ZNF839: variants seen among roughly 807,000 people sequenced by gnomAD.
ZNF839 encodes zinc finger protein 839.
In ZNF839, 38 loss-of-function variants were observed where a neutral mutation model predicts 56.4. The observed-to-expected ratio is 0.67, with a 90% confidence interval of 0.52 to 0.88. The LOEUF (loss-of-function observed/expected upper bound fraction) is 0.88, where lower values mean the gene tolerates loss of function less well. Ranked by LOEUF, ZNF839 falls within the 40% of genes least tolerant of loss-of-function variation. The pLI is 0.00. For synonymous variants in ZNF839, 486 were observed against 493.5 expected, an observed-to-expected ratio of 0.98 and a Z score of 0.20; for missense variants, 1,091 against 1,177.6, an observed-to-expected ratio of 0.93 and a Z score of 1.08.
chr14:102,320,026 G>T lies in ZNF839; in HGVS notation c.261G>T (p.Pro87=). Residue 87 remains proline, a synonymous_variant, in exon 1 of 8, where the codon CCG becomes CCT. Coordinates refer to ENST00000442396, the MANE Select transcript of ZNF839 (RefSeq NM_018335.6). ...AGCGGGGCCGGGGCACCGAGCCCCC[G>T]CGCCTGCCGCGCCTGCTCCCGCCCC... is the stretch of plus-strand genomic sequence containing the variant. ...ALQRGRGTEP[P]RLPRLLPPQQ... 8.6e-7 allele frequency: 1 copy of T among 1,168,028 alleles called. No homozygotes were observed. Among genetic ancestry groups the T allele is most frequent in the Non-Finnish European group, 1.1e-6 (1 of 947,828 alleles). The allele number at this position is 1,168,028 out of a possible 1,614,324, so 72.4% of individuals were successfully genotyped here. A position where few individuals can be genotyped will look rare whatever the true frequency, so the allele number is the denominator to read the frequency against.
intron 2 of ZNF839, among the ~76,000 whole-genome samples, chr14:102,328,911 A>G (rs72698584): frequency 1.7e-3 from 260 of 151,138 alleles, no homozygotes; most frequent in Non-Finnish European, 2.9e-3. Flanking sequence ...CCTTCTGGCT[A>G]TTGTGAACGA....
At chr14:102,327,010 C>T (rs921604201) in intron 2 of ZNF839, 123 bp downstream of exon 2, 4 of 1,136,660 alleles carry the variant, frequency 3.5e-6, no homozygotes, top group South Asian at 3.4e-5. Flanking sequence ...ATAGACTGTA[C>T]AGGAAGCATG....
At chr14:102,334,783 G>A (rs1755573992) in intron 4 of ZNF839, 137 bp downstream of exon 4, 2 of 385,716 alleles carry the variant, frequency 5.2e-6, no homozygotes, top group African/African-American at 2.1e-5. Flanking sequence ...TTGCTCTGTC[G>A]CCCAGCTAGA....
rs1182315272 is a variant in ZNF839 at position 102,332,685 on chromosome 14, G to A, written c.1416+839G>A. On this transcript the variant is annotated intron_variant, in intron 3 of 7. Transcript: ENST00000442396. The surrounding 1 kb of genome is among the most constrained non-coding windows in gnomAD (Gnocchi z 4.9). ...AGCACTTTGGGAGGCCGAGGTGGGCGGATCACCTGAAGTCAGGAGTTCGAG... is the reference window on the plus strand; with the variant it reads ...AGCACTTTGGGAGGCCGAGGTGGGCAGATCACCTGAAGTCAGGAGTTCGAG... 5.9e-5 allele frequency among the ~76,000 whole-genome samples: 9 copies of A among 151,798 alleles called. No individual in the cohort carries two copies. Among genetic ancestry groups the A allele is most frequent in the Non-Finnish European group, 1.2e-4 (8 of 67,956 alleles).
At chr14:102,323,022 GAC>G (rs1204481159) in intron 1 of ZNF839, among the ~76,000 whole-genome samples, 1 of 124,370 alleles carries the variant, frequency 8.0e-6, no homozygotes, top group East Asian at 3.8e-4. Flanking sequence ...TAGTATAACA[GAC>G]AGACGAGAGA....
intron 3 of ZNF839, among the ~76,000 whole-genome samples, chr14:102,333,732 C>A (rs924822542): frequency 6.6e-6 from 1 of 152,182 alleles, no homozygotes; most frequent in Non-Finnish European, 1.5e-5. Flanking sequence ...AGACCTCTCT[C>A]TGGTGCCTCA....
intron 4 of ZNF839, 175 bp from the exon 5 acceptor site, chr14:102,335,514 C>T: frequency 1.6e-6 from 1 of 628,026 alleles, no homozygotes. Context: ...CCCATCCTGG[C>T]TTCTCTGCAC....
chr14:102,326,515 G>A lies in ZNF839; in HGVS notation c.819G>A (p.Ala273=), dbSNP rs367624048. The change falls in exon 2 of 8, where the codon GCG becomes GCA. Residue 273 remains alanine, a synonymous_variant. Coordinates refer to ENST00000442396, the MANE Select transcript of ZNF839 (RefSeq NM_018335.6). The surrounding 1 kb of genome is among the most constrained non-coding windows in gnomAD (Gnocchi z 4.3). Reference sequence around the variant, plus strand: ...AGTTCATAAAAACAGAGGATCTGGCGGATGGTCATCTGTCAGATTCTGATG... The same window carrying A: ...AGTTCATAAAAACAGAGGATCTGGCAGATGGTCATCTGTCAGATTCTGATG... ...DYKFIKTEDL[A]DGHLSDSDDY... is the part of the protein sequence containing the mutation. 21 of 1,613,914 alleles carry A rather than the reference G, an allele frequency of 1.3e-5. No individual in the cohort carries two copies. Among genetic ancestry groups the A allele is most frequent in the East Asian group, 1.1e-4 (5 of 44,902 alleles).
rs1195591090 is a variant in ZNF839 at position 102,326,637 on chromosome 14, A to G, written c.941A>G (p.Lys314Arg). Residue 314 changes from lysine (K) to arginine (R), a missense_variant, in exon 2 of 8, where the codon AAG becomes AGG. Lys to Arg is a conservative substitution (Grantham distance 26). Around this residue, in one of 3 missense-constraint regions of ZNF839, gnomAD observed 614 missense variants for 629.2 expected, o/e 0.98. Transcript: ENST00000442396. This position sits in a 1 kb window ranked among gnomAD's most constrained non-coding sequence, Gnocchi z 4.3. ...SSCSLRPKSF[K>R]CQTCEKSYIG... Reference sequence around the variant, plus strand: ...TGCTCCCTGAGGCCCAAAAGCTTTAAGTGTCAGACTTGTGAAAAGTCATAT... The same window carrying G: ...TGCTCCCTGAGGCCCAAAAGCTTTAGGTGTCAGACTTGTGAAAAGTCATAT... The G allele has an allele frequency of 8.1e-6, 13 of 1,613,362 alleles. No individual in the cohort carries two copies. In the East Asian group the frequency reaches 2.7e-4, roughly 33 times the overall value.
At position 102,328,367 on chromosome 14, in the gene ZNF839, AAAAAAAAAATATATAT is replaced by A. The variant is rs1383794091; in HGVS notation, c.1191+1482_1191+1497del. Among the ~76,000 whole-genome samples, 13 of 40,632 alleles carry A rather than the reference AAAAAAAAAATATATAT, an allele frequency of 3.2e-4. 1 individual carries two copies. Among genetic ancestry groups the A allele is most frequent in the African/African-American group, 1.3e-3 (13 of 10,176 alleles). 26.7% of individuals were successfully genotyped at this position (40,632 alleles called of 152,430 possible). On this transcript the variant is annotated intron_variant, in intron 2 of 7. Transcript: ENST00000442396. ...GAAACTCCATCTCAAAAAAAAAAAA[AAAAAAAAAATATATAT>A]ATATATATATATATATATATATATA...
At position 102,326,650 on chromosome 14, in the gene ZNF839, T is replaced by C. The variant is rs2073424702; in HGVS notation, c.954T>C (p.Cys318=). The C allele has an allele frequency of 6.2e-7, 1 of 1,613,128 alleles. No homozygotes were observed. The highest frequency in any genetic ancestry group is 8.5e-7 in the Non-Finnish European group (1 of 1,179,560). ...CCAAAAGCTTTAAGTGTCAGACTTG[T>C]GAAAAGTCATATATAGGGAAGGGGG... ...LRPKSFKCQT[C]EKSYIGKGGL... is the part of the protein sequence containing the mutation. The change falls in exon 2 of 8, where the codon TGT becomes TGC. Residue 318 remains cysteine, a synonymous_variant. Coordinates refer to ENST00000442396, the MANE Select transcript of ZNF839 (RefSeq NM_018335.6). The surrounding 1 kb of genome is among the most constrained non-coding windows in gnomAD (Gnocchi z 4.3).
rs1199414984 is a variant in ZNF839, at chr14:102,335,726, C to T, written c.1547C>T (p.Ala516Val). 10 of 1,598,752 alleles carry T rather than the reference C, an allele frequency of 6.3e-6. No homozygotes were observed. In the Admixed American group the frequency reaches 1.7e-4, roughly 27 times the overall value. The change falls in exon 5 of 8, where the codon GCT becomes GTT. Residue 516 changes from alanine (A) to valine (V), a missense_variant. By Grantham distance (64) the Ala-to-Val change is moderately conservative. Coordinates refer to ENST00000442396, the MANE Select transcript of ZNF839 (RefSeq NM_018335.6). ...KDHLAKPFFP[A>V]IYKEFEELHK... ...CATCTAGCAAAGCCTTTTTTCCCAGCTATATATAAGGAATTTGAAGAGTTG... is the reference window on the plus strand; with the variant it reads ...CATCTAGCAAAGCCTTTTTTCCCAGTTATATATAAGGAATTTGAAGAGTTG...
chr14:102,342,014 A>G lies in ZNF839; in HGVS notation c.2619A>G (p.Glu873=), dbSNP rs762276505. 1.2e-5 allele frequency: 19 copies of G among 1,613,824 alleles called. No individual in the cohort carries two copies. The highest frequency in any genetic ancestry group is 1.5e-5 in the Non-Finnish European group (18 of 1,179,864). ...VVAVGEAMAF[E]ISNGSHELLS... ...CTGTCGGCGAAGCCATGGCTTTTGA[A>G]ATTTCCAATGGGAGCCATGAGTTAC... The change falls in exon 8 of 8, where the codon GAA becomes GAG. Residue 873 remains glutamate (E), a synonymous_variant. Coordinates refer to ENST00000442396, the MANE Select transcript of ZNF839 (RefSeq NM_018335.6).
At chr14:102,331,109 T>C (rs1016692758) in intron 2 of ZNF839, among the ~76,000 whole-genome samples, 1 of 152,248 alleles carries the variant, frequency 6.6e-6, no homozygotes, top group African/African-American at 2.4e-5. Context: ...CTGAATTATG[T>C]ACTTTCAAAG....
Position 102,336,591 on chromosome 14 carries a change from G to A in ZNF839, c.1659+753G>A, listed in dbSNP as rs770589955. On this transcript the variant is annotated intron_variant, in intron 5 of 7. Coordinates refer to ENST00000442396, the MANE Select transcript of ZNF839 (RefSeq NM_018335.6). ...ATTACAGGTGTGAGCCACCACATCC[G>A]GTCCCCAGTTTTTTTTTTCTTAAAG... 5.7e-5 allele frequency: 24 copies of A among 421,690 alleles called. No homozygotes were observed. The Middle Eastern group carries it at 1.0e-3, about 18-fold the overall frequency. The allele number at this position is 421,690 out of a possible 1,614,324, so 26.1% of individuals were successfully genotyped here.
At chr14:102,333,534 A>T (rs2073885309) in intron 3 of ZNF839, among the ~76,000 whole-genome samples, 1 of 152,056 alleles carries the variant, frequency 6.6e-6, no homozygotes, top group Non-Finnish European at 1.5e-5. Context: ...AATTGCAGGG[A>T]TTACAGGCGT....
rs1407235976 is a variant in ZNF839, at chr14:102,342,090, T to G, written c.2695T>G (p.Leu899Val). 1.4e-5 allele frequency: 23 copies of G among 1,614,028 alleles called. No individual in the cohort carries two copies. Among genetic ancestry groups the G allele is most frequent in the Non-Finnish European group, 1.9e-5 (23 of 1,179,902 alleles). Residue 899 changes from leucine to valine, a missense_variant, in exon 8 of 8, where the codon TTG becomes GTG. Physicochemically the swap from Leu to Val is conservative, Grantham distance 32. Around this residue, in one of 3 missense-constraint regions of ZNF839, gnomAD observed 431 missense variants for 468.0 expected, o/e 0.92. Coordinates refer to ENST00000442396, the MANE Select transcript of ZNF839 (RefSeq NM_018335.6). The part of the protein sequence containing the change: ...IFIQTSDGLI[L>V]SPPGTIVSQE... ...TATTCAGACTTCCGATGGGCTTATC[T>G]TGTCCCCTCCAGGTACAATAGTGTC...
chr14:102,342,174 C>G lies in ZNF839; in HGVS notation c.2779C>G (p.Arg927Gly), dbSNP rs201035007. 18 of 1,602,672 alleles carry G rather than the reference C, an allele frequency of 1.1e-5. No homozygotes were observed. Among genetic ancestry groups the G allele is most frequent in the Non-Finnish European group, 1.5e-5 (18 of 1,172,606 alleles). Reference protein sequence around the residue: ...DAEGRACGWAR With the variant: ...DAEGRACGWAG The stretch of plus-strand genomic sequence containing the variant: ...AGAGGGGCGTGCCTGCGGATGGGCC[C>G]GCTAGAAGGAGTTCCTCTAGAAGCT... The change falls in exon 8 of 8, where the codon CGC becomes GGC. Residue 927 changes from arginine (R) to glycine (G), a missense_variant. Arg to Gly is a moderately radical substitution (Grantham distance 125). Transcript: ENST00000442396.
At chr14:102,333,135 C>T (rs1221279258) in intron 3 of ZNF839, among the ~76,000 whole-genome samples, 5 of 152,164 alleles carry the variant, frequency 3.3e-5, no homozygotes, top group Middle Eastern at 3.4e-3. Context: ...ACATTTTTGT[C>T]TTATAATGAA....
Sources: allele counts gnomAD v4.1 joint callset (sites outside exome capture counted in the v4.1 genomes callset), GRCh38; gene constraint gnomAD v4.1.1; regional missense constraint gnomAD v4.1.1; non-coding constraint Gnocchi (gnomAD v3.1); transcripts MANE v1.5; gene names NCBI Gene and HGNC (gene_info 2026-07-23, HGNC 2026-07-21).